TYW1B: variants seen among roughly 807,000 people sequenced by gnomAD.
TYW1B encodes tRNA-yW synthesizing protein 1 homolog B.
TYW1B carries 73 observed loss-of-function variants against 86.9 expected under a neutral mutation model. That is an observed-to-expected ratio of 0.84 (90% CI 0.70 to 1.02). TYW1B has a LOEUF of 1.02. Ranked by LOEUF, TYW1B falls within the 50% of genes least tolerant of loss-of-function variation. The probability of loss-of-function intolerance (pLI) is 0.00; values close to 1 mark genes in which losing one functional copy is unlikely to be tolerated. For missense variants in TYW1B, 637 were observed against 827.4 expected (o/e 0.77, Z 2.82); for synonymous variants, 248 against 292.8 (o/e 0.85, Z 1.56).
At chr7:72,728,300 C>CTTTTTTTTTTTTTTTTTTTTT in intron 9 of TYW1B, among the ~76,000 whole-genome samples, 2 of 152,086 alleles carry the variant, frequency 1.3e-5, no homozygotes, top group African/African-American at 4.8e-5. Context: ...AGTTGCTAAA[C>CTTTTTTTTTTTTTTTTTTTTT]TTTTTATTTA....
chr7:72,728,774 A>T, intron 9 of TYW1B, 48 bp downstream of exon 9: 9 of 1,554,660 alleles, frequency 5.8e-6, no homozygotes, highest in Non-Finnish European at 7.9e-6. Context: ...AATCTGATTC[A>T]GACTATTAAC....
rs181757997 is a variant in TYW1B, at chr7:72,574,854, G to A, written c.*644C>T. 5.0e-5 allele frequency: 49 copies of A among 985,556 alleles called. 1 individual carries two copies. Among genetic ancestry groups the A allele is most frequent in the African/African-American group, 1.9e-4 (11 of 57,328 alleles). The allele number at this position is 985,556 out of a possible 1,614,324, so 61.1% of individuals were successfully genotyped here. ...CACTCCGCTCCAGCCCCGGTACTGC[G>A]GTCTGTGGTAATTTACATGGGAATG... On this transcript the variant is annotated 3_prime_UTR_variant, in exon 14 of 14. Transcript: ENST00000620995.
At chr7:72,672,771 C>T (rs868912087) in intron 11 of TYW1B, among the ~76,000 whole-genome samples, 24 of 152,158 alleles carry the variant, frequency 1.6e-4, no homozygotes, top group African/African-American at 5.6e-4. Context: ...TACATATATA[C>T]ACATATGTGT....
chr7:72,754,980 G>A (rs1787561793), intron 7 of TYW1B, among the ~76,000 whole-genome samples: 1 of 152,030 alleles, frequency 6.6e-6, no homozygotes, highest in South Asian at 2.1e-4. Flanking sequence ...TATAGAGTAT[G>A]GTATAAACAA....
intron 11 of TYW1B, among the ~76,000 whole-genome samples, chr7:72,667,721 A>C (rs1813502656): frequency 6.6e-6 from 1 of 152,178 alleles, no homozygotes; most frequent in Non-Finnish European, 1.5e-5. Flanking sequence ...TCAAAAAAAC[A>C]AAACAAAACA....
At chr7:72,746,620 G>A (rs1306932399) in intron 7 of TYW1B, among the ~76,000 whole-genome samples, 2 of 152,202 alleles carry the variant, frequency 1.3e-5, no homozygotes, top group African/African-American at 2.4e-5. Flanking sequence ...AAGGTTAAGT[G>A]AGGTCAGGTG....
chr7:72,679,824 G>A (rs1255425558), intron 11 of TYW1B, among the ~76,000 whole-genome samples: 1 of 152,174 alleles, frequency 6.6e-6, no homozygotes, highest in Non-Finnish European at 1.5e-5. Flanking sequence ...ATACATAAGA[G>A]TGAAGTATAA....
intron 11 of TYW1B, among the ~76,000 whole-genome samples, chr7:72,640,702 T>C (rs1333389662): frequency 6.6e-6 from 1 of 152,016 alleles, no homozygotes; most frequent in Non-Finnish European, 1.5e-5. Context: ...ATAACTAAAA[T>C]GAGAAATTAA....
At chr7:72,714,174 A>G (rs1786731493) in intron 9 of TYW1B, among the ~76,000 whole-genome samples, 1 of 152,116 alleles carries the variant, frequency 6.6e-6, no homozygotes. Flanking sequence ...ATCATTCCTC[A>G]AGTATCCTGA....
chr7:72,789,599 T>C (rs1788185410), intron 6 of TYW1B, among the ~76,000 whole-genome samples: 1 of 152,212 alleles, frequency 6.6e-6, no homozygotes, highest in African/African-American at 2.4e-5. Flanking sequence ...AGAAAATAAC[T>C]ATAATGTTAT....
intron 7 of TYW1B, among the ~76,000 whole-genome samples, chr7:72,749,142 G>A (rs1378910411): frequency 6.6e-6 from 1 of 152,116 alleles, no homozygotes; most frequent in Non-Finnish European, 1.5e-5. Context: ...TATTTTGGTT[G>A]AGTTTTAATA....
rs1369801466 is a variant in TYW1B at position 72,688,647 on chromosome 7, G to A, written c.1506+6040C>T. On this transcript the variant is annotated intron_variant, in intron 11 of 13. Coordinates refer to ENST00000620995, the MANE Select transcript of TYW1B (RefSeq NM_001145440.3). ...TTTGCCTTCTTTAGGCACTTCTTGG[G>A]TCATCCCATCTGCTTACTTGCCTTT... Among the ~76,000 whole-genome samples, 8 of 152,034 alleles carry A rather than the reference G, an allele frequency of 5.3e-5. No homozygotes were observed. In the South Asian group the frequency reaches 1.5e-3, roughly 28 times the overall value.
intron 6 of TYW1B, among the ~76,000 whole-genome samples, chr7:72,777,755 A>C (rs1381131036): frequency 1.3e-5 from 2 of 152,002 alleles, no homozygotes; most frequent in African/African-American, 2.4e-5. Flanking sequence ...ATCTCTACTA[A>C]AAATACAAAA....
At chr7:72,676,735 G>T (rs1362319111) in intron 11 of TYW1B, among the ~76,000 whole-genome samples, 2 of 152,192 alleles carry the variant, frequency 1.3e-5, no homozygotes, top group African/African-American at 4.8e-5. Context: ...CGAGGCGGTG[G>T]ATTGCTTGAG....
At chr7:72,761,653 C>T (rs540480918) in intron 7 of TYW1B, among the ~76,000 whole-genome samples, 4 of 149,566 alleles carry the variant, frequency 2.7e-5, no homozygotes, top group East Asian at 3.9e-4. Flanking sequence ...TTTTGTCTAA[C>T]GTAGAGGTTA....
intron 7 of TYW1B, among the ~76,000 whole-genome samples, chr7:72,769,596 A>C (rs1430739001): frequency 1.3e-5 from 2 of 152,208 alleles, no homozygotes; most frequent in African/African-American, 4.8e-5. Flanking sequence ...TTCAAAAGAT[A>C]CCTTTATGGA....
chr7:72,781,385 G>A (rs1461142959), intron 6 of TYW1B, among the ~76,000 whole-genome samples: 31 of 152,090 alleles, frequency 2.0e-4, no homozygotes, highest in Admixed American at 1.4e-3. Flanking sequence ...GCGTCACTTC[G>A]TTGCAAGATC....
At chr7:72,737,706 A>T (rs1351921653) in intron 8 of TYW1B, among the ~76,000 whole-genome samples, 1 of 152,178 alleles carries the variant, frequency 6.6e-6, no homozygotes, top group Non-Finnish European at 1.5e-5. Flanking sequence ...TTTGTCTTGC[A>T]AGCGCTCACC....
intron 7 of TYW1B, among the ~76,000 whole-genome samples, chr7:72,754,363 G>A (rs782594697): frequency 1.3e-5 from 2 of 151,138 alleles, no homozygotes; most frequent in East Asian, 2.0e-4. Context: ...GGCTGGTCTC[G>A]AACTCCTGAC....
Sources: gnomAD v4.1 joint callset for allele counts (sites outside exome capture counted in the v4.1 genomes callset) on GRCh38, gnomAD v4.1.1 for gene constraint, MANE v1.5 for transcripts, NCBI Gene and HGNC (gene_info 2026-07-23, HGNC 2026-07-21) for gene names.